CAMSAP1: variants seen among roughly 807,000 people sequenced by gnomAD.
CAMSAP1 encodes calmodulin regulated spectrin associated protein 1, also known as calmodulin-regulated spectrin-associated protein 1.
A neutral mutation model predicts 143.5 loss-of-function variants in CAMSAP1; 58 were observed. That is an observed-to-expected ratio of 0.40 (90% CI 0.33 to 0.50). The LOEUF is 0.50. Among genes scored for constraint, CAMSAP1 ranks in the 20% least tolerant of loss-of-function variants. CAMSAP1 has a pLI of 0.45. For synonymous variants in CAMSAP1, 945 were observed against 859.3 expected (o/e 1.10, Z -1.74); for missense variants, 1,969 against 2,115.7 (o/e 0.93, Z 1.36).
chr9:135,899,706 G>C (rs963582221), intron 1 of CAMSAP1, among the ~76,000 whole-genome samples: 2 of 151,978 alleles, frequency 1.3e-5, no homozygotes, highest in Non-Finnish European at 2.9e-5. Context: ...TTCCCACACG[G>C]TGTGCACATC....
At chr9:135,814,917 C>T (rs1401036978) in intron 16 of CAMSAP1, among the ~76,000 whole-genome samples, 180 bp downstream of exon 16, 1 of 152,230 alleles carries the variant, frequency 6.6e-6, no homozygotes, top group African/African-American at 2.4e-5. Context: ...CTCACTGCAG[C>T]CCCTGGACCT....
Position 135,809,984 on chromosome 9 carries a change from T to A in CAMSAP1, c.*1325A>T, listed in dbSNP as rs1834985174. 6.6e-6 allele frequency: 1 copy of A among 152,668 alleles called. No homozygotes were observed. Among genetic ancestry groups the A allele is most frequent in the African/African-American group, 2.4e-5 (1 of 41,456 alleles). The allele number at this position is 152,668 out of a possible 1,614,324, so 9.5% of individuals were successfully genotyped here. On this transcript the variant is annotated 3_prime_UTR_variant, in exon 17 of 17. Coordinates refer to ENST00000389532, the MANE Select transcript of CAMSAP1 (RefSeq NM_015447.4). Reference sequence around the variant, plus strand: ...TTTCTCCCAATTATTGATCTTTTGATTTTTTCTGCAGTTTGAGATAGATTC... The same window carrying A: ...TTTCTCCCAATTATTGATCTTTTGAATTTTTCTGCAGTTTGAGATAGATTC...
intron 1 of CAMSAP1, among the ~76,000 whole-genome samples, chr9:135,888,504 C>G (rs1225337025): frequency 6.6e-5 from 10 of 152,212 alleles, no homozygotes; most frequent in African/African-American, 2.4e-4. Context: ...GACCAGGCCA[C>G]TGCAGTGCCA....
At position 135,881,351 on chromosome 9, in the gene CAMSAP1, C is replaced by T. The variant is rs761856873; in HGVS notation, c.585+282G>A. On this transcript the variant is annotated intron_variant, in intron 3 of 16. Transcript: ENST00000389532. ...CCAGCCTGGGGGACAAAGTGAGACC[C>T]TGTCTCAAAAAAAAAAAAAAAATTT... is the stretch of plus-strand genomic sequence containing the variant. Among the ~76,000 whole-genome samples, 45 of 150,086 alleles carry T rather than the reference C, an allele frequency of 3.0e-4. 1 individual carries two copies. The highest frequency in any genetic ancestry group is 5.3e-4 in the Admixed American group (8 of 15,078).
rs1050116539 is a variant in CAMSAP1 at position 135,881,672 on chromosome 9, C to T, written c.546G>A (p.Pro182=). ...FSTFSASKEL[P]YDLEDAMVFW... ...ACACCATGGCATCCTCGAGGTCGTACGGAAGTTCTTTCGAGGCACTGAACG... is the reference window on the plus strand; with the variant it reads ...ACACCATGGCATCCTCGAGGTCGTATGGAAGTTCTTTCGAGGCACTGAACG... The change falls in exon 3 of 17, where the codon CCG becomes CCA. Residue 182 remains proline (P), a synonymous_variant. Coordinates refer to ENST00000389532, the MANE Select transcript of CAMSAP1 (RefSeq NM_015447.4). 2.0e-4 allele frequency: 310 copies of T among 1,551,660 alleles called. No individual in the cohort carries two copies. Among genetic ancestry groups the T allele is most frequent in the Non-Finnish European group, 2.5e-4 (291 of 1,147,032 alleles).
chr9:135,871,187 CTTAT>C (rs770192080), intron 3 of CAMSAP1, among the ~76,000 whole-genome samples: 9 of 152,206 alleles, frequency 5.9e-5, no homozygotes, highest in Non-Finnish European at 1.3e-4. Flanking sequence ...TGCCATCTTC[CTTAT>C]TTATTTCTTT....
chr9:135,888,628 G>A (rs1351929197), intron 1 of CAMSAP1, among the ~76,000 whole-genome samples: 1 of 152,220 alleles, frequency 6.6e-6, no homozygotes, highest in East Asian at 1.9e-4. Flanking sequence ...CTGGCTATCT[G>A]CATTTGACAC....
intron 7 of CAMSAP1, among the ~76,000 whole-genome samples, chr9:135,839,253 C>G (rs898808892): frequency 6.6e-6 from 1 of 152,198 alleles, no homozygotes; most frequent in Non-Finnish European, 1.5e-5. Context: ...AGCTACTCAG[C>G]AAGCCACTGT....
rs191827166 is a variant in CAMSAP1, at chr9:135,869,722, G to C, written c.586-3186C>G. On this transcript the variant is annotated intron_variant, in intron 3 of 16. Coordinates refer to ENST00000389532, the MANE Select transcript of CAMSAP1 (RefSeq NM_015447.4). Reference sequence around the variant, plus strand: ...AAAATGAAAACATGTATTCACACAGGAAACTTGTGCATGAAATCAGCATTA... The same window carrying C: ...AAAATGAAAACATGTATTCACACAGCAAACTTGTGCATGAAATCAGCATTA... 2.1e-4 allele frequency among the ~76,000 whole-genome samples: 32 copies of C among 152,200 alleles called. No homozygotes were observed. The Middle Eastern group carries it at 0.01, about 49-fold the overall frequency.
intron 3 of CAMSAP1, among the ~76,000 whole-genome samples, chr9:135,875,139 T>C (rs568407876): frequency 5.9e-4 from 90 of 152,328 alleles, no homozygotes; most frequent in African/African-American, 2.1e-3. Flanking sequence ...CCAGCAAGTA[T>C]TCTTATAGAA....
chr9:135,889,494 G>C (rs779064904), intron 1 of CAMSAP1, among the ~76,000 whole-genome samples: 1 of 152,216 alleles, frequency 6.6e-6, no homozygotes, highest in Admixed American at 6.5e-5. Flanking sequence ...AAGCCCGAAC[G>C]AAACAAAAAC....
chr9:135,902,748 C>T (rs767304311), intron 1 of CAMSAP1, among the ~76,000 whole-genome samples: 19 of 148,970 alleles, frequency 1.3e-4, no homozygotes, highest in Admixed American at 2.0e-4. Context: ...ATCAGTAGTT[C>T]GAATTACTCT....
At chr9:135,888,132 C>T (rs778213360) in intron 1 of CAMSAP1, among the ~76,000 whole-genome samples, 32 of 152,206 alleles carry the variant, frequency 2.1e-4, no homozygotes, top group Non-Finnish European at 3.8e-4. Context: ...AGCTTGGCCT[C>T]TTACTGGATC....
chr9:135,812,278 C>CAGATGACG (rs1835078292), intron 16 of CAMSAP1, among the ~76,000 whole-genome samples: 1 of 152,156 alleles, frequency 6.6e-6, no homozygotes, highest in Non-Finnish European at 1.5e-5. Flanking sequence ...TGTGCATCAG[C>CAGATGACG]AGATGACGAG....
intron 5 of CAMSAP1, among the ~76,000 whole-genome samples, chr9:135,853,977 T>C (rs962141350): frequency 6.6e-6 from 1 of 152,232 alleles, no homozygotes; most frequent in Non-Finnish European, 1.5e-5. Context: ...GCGCTAATAT[T>C]TTACATAGGA....
At chr9:135,865,120 A>T (rs1837329463) in intron 4 of CAMSAP1, 1 of 565,832 alleles carries the variant, frequency 1.8e-6, no homozygotes, top group Middle Eastern at 2.7e-4. Flanking sequence ...AACTGGGCGA[A>T]ATGTAACTTA....
At chr9:135,849,523 T>C (rs185891439) in intron 7 of CAMSAP1, among the ~76,000 whole-genome samples, 79 of 152,374 alleles carry the variant, frequency 5.2e-4, no homozygotes, top group African/African-American at 1.8e-3. Context: ...TTTTTCCTGT[T>C]GGCTCTTCTT....
chr9:135,823,090 C>T lies in CAMSAP1; in HGVS notation c.1571G>A (p.Ser524Asn). ...QNQPHPTATKSHGKSLLSNVS... is the reference protein window; with the variant it reads ...QNQPHPTATKNHGKSLLSNVS... ...ATTGCTCAGGAGGCTCTTCCCGTGG[C>T]TCTTCGTGGCCGTGGGGTGTGGCTG... Residue 524 changes from serine (S) to asparagine (N), a missense_variant, in exon 11 of 17, where the codon AGC (serine) becomes AAC (asparagine). By Grantham distance (46) the Ser-to-Asn change is conservative (BLOSUM62 1). This residue lies in a region of CAMSAP1 where 1,390 missense variants were observed against 1,420.8 expected (regional missense o/e 0.98). Transcript: ENST00000389532. 6.2e-7 allele frequency: 1 copy of T among 1,614,048 alleles called. No homozygotes were observed. The highest frequency in any genetic ancestry group is 8.5e-7 in the Non-Finnish European group (1 of 1,179,904).
intron 5 of CAMSAP1, among the ~76,000 whole-genome samples, chr9:135,854,835 C>CG (rs1564441976): frequency 6.6e-6 from 1 of 152,122 alleles, no homozygotes; most frequent in Non-Finnish European, 1.5e-5. Flanking sequence ...CCTCATGCCA[C>CG]GGGGGTTTGT....
Sources: allele counts gnomAD v4.1 joint callset (sites outside exome capture counted in the v4.1 genomes callset), GRCh38; gene constraint gnomAD v4.1.1; regional missense constraint gnomAD v4.1.1; transcripts MANE v1.5; gene names NCBI Gene and HGNC (gene_info 2026-07-23, HGNC 2026-07-21).